The following USP3 variants were observed in gnomAD, a reference collection of about 807,000 sequenced individuals.
The protein encoded by USP3 is ubiquitin carboxyl-terminal hydrolase 3.
Under a neutral mutation model 72.3 loss-of-function variants are expected in USP3, and 20 were observed. The ratio of observed to expected loss-of-function variants is 0.28; its 90% CI spans 0.19 to 0.40. The LOEUF is 0.40. Among genes scored for constraint, USP3 ranks in the 10% least tolerant of loss-of-function variants. USP3 has a pLI of 1.00. For synonymous variants in USP3, 222 were observed against 225.3 expected, an observed-to-expected ratio of 0.99 and a Z score of 0.13; for missense variants, 479 against 633.9, an observed-to-expected ratio of 0.76 and a Z score of 2.62.
At chr15:63,519,570 A>G (rs975362411) in intron 1 of USP3, among the ~76,000 whole-genome samples, 2 of 152,120 alleles carry the variant, frequency 1.3e-5, no homozygotes, top group Non-Finnish European at 2.9e-5. Context: ...TATTAAGGTA[A>G]TATTTGGTAG....
intron 9 of USP3, 46 bp from the exon 10 acceptor site, chr15:63,574,000 G>C (rs2066820894): frequency 3.7e-6 from 5 of 1,356,938 alleles, no homozygotes; most frequent in Non-Finnish European, 5.0e-6. Flanking sequence ...ATGTCAAAGA[G>C]ATGGCTTCTT....
intron 1 of USP3, among the ~76,000 whole-genome samples, chr15:63,527,294 C>T (rs1217738876): frequency 6.6e-6 from 1 of 152,226 alleles, no homozygotes; most frequent in Non-Finnish European, 1.5e-5. Context: ...GTGATGTTCT[C>T]TCTTCTGTAG....
intron 1 of USP3, among the ~76,000 whole-genome samples, chr15:63,507,242 C>T (rs768510903): frequency 6.6e-6 from 1 of 152,062 alleles, no homozygotes; most frequent in Non-Finnish European, 1.5e-5. Context: ...ATGCCCTTGC[C>T]TTATTTTCTT....
At chr15:63,509,427 T>TA (rs988199731) in intron 1 of USP3, among the ~76,000 whole-genome samples, 1 of 152,176 alleles carries the variant, frequency 6.6e-6, no homozygotes, top group African/African-American at 2.4e-5. Context: ...TTTTAGTCAG[T>TA]AAACGTTGGC....
intron 3 of USP3, among the ~76,000 whole-genome samples, chr15:63,548,412 G>A (rs1011715611): frequency 1.3e-5 from 2 of 151,808 alleles, no homozygotes; most frequent in South Asian, 2.1e-4. Context: ...TGCAGCCTCC[G>A]CCTCCTAGGT....
chr15:63,590,898 A>G lies in USP3; in HGVS notation c.*72A>G, dbSNP rs2067186284. 1.4e-6 allele frequency: 2 copies of G among 1,479,904 alleles called. No homozygotes were observed. Among genetic ancestry groups the G allele is most frequent in the East Asian group, 2.4e-5 (1 of 40,946 alleles). The allele number at this position is 1,479,904 out of a possible 1,614,324, so 91.7% of individuals were successfully genotyped here. A position where few individuals can be genotyped will look rare whatever the true frequency, so the allele number is the denominator to read the frequency against. On this transcript the variant is annotated 3_prime_UTR_variant, in exon 15 of 15. Coordinates refer to ENST00000380324, the MANE Select transcript of USP3 (RefSeq NM_006537.4). Reference sequence around the variant, plus strand: ...CCAGTTTTCCACAAATACTTGATACAAGATTTAATTTCATTATGCACTTTT... The same window carrying G: ...CCAGTTTTCCACAAATACTTGATACGAGATTTAATTTCATTATGCACTTTT...
chr15:63,521,526 G>A (rs574486520), intron 1 of USP3, among the ~76,000 whole-genome samples: 5 of 152,106 alleles, frequency 3.3e-5, no homozygotes, highest in South Asian at 2.1e-4. Context: ...CTTATCTATC[G>A]TAATTATTTT....
intron 11 of USP3, among the ~76,000 whole-genome samples, chr15:63,584,630 T>C (rs73444669): frequency 0.023 from 3,443 of 152,194 alleles, 125 homozygotes; most frequent in African/African-American, 0.076. Flanking sequence ...TGAATCAGTT[T>C]GTTGCTGAGT....
intron 11 of USP3, among the ~76,000 whole-genome samples, chr15:63,580,651 T>TA (rs1566916942): frequency 1.6e-5 from 2 of 124,276 alleles, no homozygotes; most frequent in Non-Finnish European, 1.6e-5. Context: ...CATATATATA[T>TA]GAATATATAA....
At chr15:63,530,532 C>A in intron 1 of USP3, 1 of 367,016 alleles carries the variant, frequency 2.7e-6, no homozygotes, top group South Asian at 1.9e-5. Flanking sequence ...AAGCTGGTCT[C>A]GAACTCCTGG....
rs2066515570 is a variant in USP3 at position 63,556,715 on chromosome 15, C to G, written c.417C>G (p.Asn139Lys). The G allele has an allele frequency of 6.2e-7, 1 of 1,608,110 alleles. No homozygotes were observed. Among genetic ancestry groups the G allele is most frequent in the Non-Finnish European group, 8.5e-7 (1 of 1,177,564 alleles). The change falls in exon 5 of 15, where the codon AAC becomes AAG. Residue 139 changes from asparagine (N) to lysine (K), a missense_variant. Transcript: ENST00000380324. ...ATAAGAAAAGAAAACTTTTGGAAAA[C>G]TCAACACTAAACAGCAAGTTATTAA... ...DRHKKRKLLE[N>K]STLNSKLLKV... is the part of the protein sequence containing the mutation.
chr15:63,532,454 A>G lies in USP3; in HGVS notation c.92-193A>G, dbSNP rs564871472. The G allele has an allele frequency of 9.7e-5, 62 of 637,294 alleles. No individual in the cohort carries two copies. The East Asian group carries it at 1.6e-3, about 17-fold the overall frequency. 39.5% of individuals were successfully genotyped at this position (637,294 alleles called of 1,614,324 possible). A position where few individuals can be genotyped will look rare whatever the true frequency, so the allele number is the denominator to read the frequency against. ...CAATTAAAATGAGCCGCTGTTGTGG[A>G]CATGCATTTAAATTCTTTTCAGTAT... On this transcript the variant is annotated intron_variant, in intron 1 of 14. Transcript: ENST00000380324.
intron 6 of USP3, 55 bp downstream of exon 6, chr15:63,558,243 T>C (rs1446345029): frequency 2.5e-6 from 4 of 1,584,674 alleles, no homozygotes; most frequent in Non-Finnish European, 3.5e-6. Flanking sequence ...GAGCACGGGC[T>C]CTGGCTCCCT....
chr15:63,509,637 A>G (rs1487445622), intron 1 of USP3, among the ~76,000 whole-genome samples: 1 of 152,296 alleles, frequency 6.6e-6, no homozygotes, highest in East Asian at 1.9e-4. Flanking sequence ...CCTTCTGAAG[A>G]ATTTAAACTT....
chr15:63,589,122 A>G, intron 14 of USP3, 111 bp downstream of exon 14: 1 of 1,277,370 alleles, frequency 7.8e-7, no homozygotes, highest in East Asian at 2.3e-5. Flanking sequence ...ATTCAGATAA[A>G]GTAGGTGAAA....
At chr15:63,562,096 T>C (rs540012412) in intron 7 of USP3, among the ~76,000 whole-genome samples, 4 of 152,294 alleles carry the variant, frequency 2.6e-5, no homozygotes, top group African/African-American at 9.6e-5. Flanking sequence ...TAGTCCCCCA[T>C]GGTGCTGGGG....
intron 8 of USP3, among the ~76,000 whole-genome samples, chr15:63,568,528 C>T (rs1233600208): frequency 6.6e-6 from 1 of 152,056 alleles, no homozygotes; most frequent in Non-Finnish European, 1.5e-5. Context: ...ACACAGCACC[C>T]AAATGTGAGG....
chr15:63,507,452 A>G (rs74022990), intron 1 of USP3, among the ~76,000 whole-genome samples: 2,349 of 152,300 alleles, frequency 0.015, 68 homozygotes, highest in African/African-American at 0.054. Flanking sequence ...TGAACAAGGT[A>G]ATTTTTTGTG....
At chr15:63,582,477 A>G (rs1488198155) in intron 11 of USP3, among the ~76,000 whole-genome samples, 3 of 152,184 alleles carry the variant, frequency 2.0e-5, no homozygotes, top group Admixed American at 1.3e-4. Context: ...TAGGGCCACC[A>G]TTTTTTAAAC....
Sources: allele counts gnomAD v4.1 joint callset (sites outside exome capture counted in the v4.1 genomes callset), GRCh38; gene constraint gnomAD v4.1.1; transcripts MANE v1.5; gene names NCBI Gene and HGNC (gene_info 2026-07-23, HGNC 2026-07-21).